Variants in EIF4E observed in about 807,000 individuals in gnomAD.
EIF4E encodes the protein eukaryotic translation initiation factor 4E, also known as eIF-4F 25 kDa subunit.
For missense variants in EIF4E, 113 were observed against 265.6 expected (o/e 0.43, Z 3.99); for synonymous variants, 71 against 88.5 (o/e 0.80, Z 1.11).
At chr4:98,896,014 G>A (rs1046803580) in intron 2 of EIF4E, among the ~76,000 whole-genome samples, 12 of 143,396 alleles carry the variant, frequency 8.4e-5, no homozygotes, top group African/African-American at 2.7e-4. Flanking sequence ...TGGCCAACAC[G>A]GTGAAACCCC....
intron 2 of EIF4E, among the ~76,000 whole-genome samples, chr4:98,899,579 A>C (rs1724561604): frequency 6.6e-6 from 1 of 152,226 alleles, no homozygotes; most frequent in Non-Finnish European, 1.5e-5. Context: ...TATTCACACA[A>C]GTGCACAATT....
intron 1 of EIF4E, among the ~76,000 whole-genome samples, chr4:98,917,975 T>A (rs148825139): frequency 1.3e-5 from 2 of 151,498 alleles, no homozygotes; most frequent in African/African-American, 2.4e-5. Context: ...ACTTGGGAGG[T>A]TGAGGCAGGA....
At position 98,907,821 on chromosome 4, in the gene EIF4E, G is replaced by C. The variant is rs143328510; in HGVS notation, c.19-5839C>G. ...AGTTTCTTCCCTTGTAAAAAGTGCC[G>C]TGTGGGTTTTCATCAACAATCCAAG... On this transcript the variant is annotated intron_variant, in intron 1 of 6. Coordinates refer to ENST00000450253, the MANE Select transcript of EIF4E (RefSeq NM_001968.5). Among the ~76,000 whole-genome samples, 638 of 152,256 alleles carry C rather than the reference G, an allele frequency of 4.2e-3. 4 individuals are homozygous for C. Among genetic ancestry groups the C allele is most frequent in the Non-Finnish European group, 6.2e-3 (423 of 68,008 alleles).
intron 2 of EIF4E, among the ~76,000 whole-genome samples, chr4:98,893,158 G>C (rs1343603217): frequency 3.3e-5 from 5 of 152,112 alleles, no homozygotes; most frequent in African/African-American, 1.2e-4. Flanking sequence ...AAAAAAAAAT[G>C]TACATACCTT....
chr4:98,880,909 T>G lies in EIF4E; in HGVS notation c.*119A>C, dbSNP rs1033482713. The G allele has an allele frequency of 6.6e-7, 1 of 1,515,290 alleles. No individual in the cohort carries two copies. The highest frequency in any genetic ancestry group is 1.4e-5 in the African/African-American group (1 of 72,198). The allele number at this position is 1,515,290 out of a possible 1,614,324, so 93.9% of individuals were successfully genotyped here. On this transcript the variant is annotated 3_prime_UTR_variant, in exon 7 of 7. Transcript: ENST00000450253. ...AGACTTCTCTTATATCTGAGTAACA[T>G]TAAGATGGAAATCAAATTTAAATGC... is the stretch of plus-strand genomic sequence containing the variant.
intron 1 of EIF4E, among the ~76,000 whole-genome samples, chr4:98,927,654 C>CAAAAAAAAAAAAA (rs774720176): frequency 8.5e-5 from 3 of 35,090 alleles, no homozygotes; most frequent in Non-Finnish European, 1.1e-4. Flanking sequence ...GACTCCATCT[C>CAAAAAAAAAAAAA]AAAAAAAAAA....
intron 2 of EIF4E, among the ~76,000 whole-genome samples, chr4:98,893,704 T>C (rs1724249945): frequency 6.6e-6 from 1 of 152,256 alleles, no homozygotes; most frequent in Non-Finnish European, 1.5e-5. Context: ...CACTAAAGTC[T>C]TGAACGCTTC....
At chr4:98,916,167 G>T (rs1021212533) in intron 1 of EIF4E, among the ~76,000 whole-genome samples, 1 of 151,712 alleles carries the variant, frequency 6.6e-6, no homozygotes, top group Non-Finnish European at 1.5e-5. Flanking sequence ...CTCCAGCCTG[G>T]GCAACAGAGT....
chr4:98,891,130 A>G, intron 3 of EIF4E, 107 bp downstream of exon 3: 1 of 1,192,342 alleles, frequency 8.4e-7, no homozygotes. Flanking sequence ...ATAGATGAAC[A>G]TTCATTAACT....
At chr4:98,927,680 A>G (rs913047980) in intron 1 of EIF4E, among the ~76,000 whole-genome samples, 1 of 141,776 alleles carries the variant, frequency 7.1e-6, no homozygotes, top group Non-Finnish European at 1.5e-5. Context: ...AAAAAAAAAA[A>G]AAAAAAGTCT....
rs1238388863 is a variant in EIF4E at position 98,887,338 on chromosome 4, A to C, written c.286-146T>G. ...CATTGATGTAGTTTTTAAACAGCAC[A>C]TAAGACTTAAAGCCAGAGGCATGAC... On this transcript the variant is annotated intron_variant, in intron 4 of 6. Transcript: ENST00000450253. This position sits in a 1 kb window ranked among gnomAD's most constrained non-coding sequence, Gnocchi z 4.0. 1.2e-6 allele frequency: 1 copy of C among 829,360 alleles called. No individual in the cohort carries two copies. The highest frequency in any genetic ancestry group is 1.7e-5 in the African/African-American group (1 of 59,742). 51.4% of individuals were successfully genotyped at this position (829,360 alleles called of 1,614,324 possible).
chr4:98,928,977 G>A (rs1721355963), intron 1 of EIF4E, 118 bp downstream of exon 1: 3 of 1,574,208 alleles, frequency 1.9e-6, no homozygotes, highest in African/African-American at 2.7e-5. Flanking sequence ...CAACATGAAG[G>A]GGAAGGGGCG....
rs1725011293 is a variant in EIF4E, at chr4:98,909,400, A to G, written c.19-7418T>C. The G allele has an allele frequency of 7.6e-6, 3 of 396,402 alleles. No individual in the cohort carries two copies. The Admixed American group carries it at 1.4e-4, about 18-fold the overall frequency. 24.6% of individuals were successfully genotyped at this position (396,402 alleles called of 1,614,324 possible). Reference sequence around the variant, plus strand: ...GTTTTGTCATTCATTTGACAAATTAAATCAGGCAAAGAAATGTACACAATC... The same window carrying G: ...GTTTTGTCATTCATTTGACAAATTAGATCAGGCAAAGAAATGTACACAATC... On this transcript the variant is annotated intron_variant, in intron 1 of 6. Coordinates refer to ENST00000450253, the MANE Select transcript of EIF4E (RefSeq NM_001968.5).
In EIF4E at chr4:98,893,512, T is replaced by A. The variant is rs573361029; in HGVS notation, c.126-2180A>T. ...ATCCTTTGTTGTCACTTCAACAATG[T>A]TCACAGCATCTTCACCAGGAATAGA... On this transcript the variant is annotated intron_variant, in intron 2 of 6. Coordinates refer to ENST00000450253, the MANE Select transcript of EIF4E (RefSeq NM_001968.5). Among the ~76,000 whole-genome samples the A allele has an allele frequency of 1.3e-4, 20 of 152,362 alleles. No homozygotes were observed. In the South Asian group the frequency reaches 3.9e-3, roughly 30 times the overall value.
At position 98,928,494 on chromosome 4, in the gene EIF4E, C is replaced by T. The variant is rs540829343; in HGVS notation, c.18+601G>A. 5.3e-5 allele frequency among the ~76,000 whole-genome samples: 8 copies of T among 152,212 alleles called. No individual in the cohort carries two copies. In the South Asian group the frequency reaches 1.5e-3, roughly 28 times the overall value. On this transcript the variant is annotated intron_variant, in intron 1 of 6. Transcript: ENST00000450253. ...TAACAGACGCTCGCCCCTCTCAACT[C>T]CCCTAAGCGAGGTCGAAGCTCCTCC...
chr4:98,904,744 C>T (rs1724795138), intron 1 of EIF4E, among the ~76,000 whole-genome samples: 1 of 152,144 alleles, frequency 6.6e-6, no homozygotes, highest in East Asian at 1.9e-4. Context: ...GTTCTCCAGC[C>T]TGGGCGACAA....
chr4:98,899,539 G>T (rs1305205097), intron 2 of EIF4E, among the ~76,000 whole-genome samples: 2 of 152,152 alleles, frequency 1.3e-5, no homozygotes, highest in Non-Finnish European at 2.9e-5. Flanking sequence ...GGTAATCTTT[G>T]TTCTAGGAGA....
At chr4:98,924,077 G>GTTT (rs201322206) in intron 1 of EIF4E, among the ~76,000 whole-genome samples, 5 of 143,610 alleles carry the variant, frequency 3.5e-5, no homozygotes, top group South Asian at 4.4e-4. Context: ...AACTTCTTTT[G>GTTT]TTTATTTTTT....
chr4:98,911,426 G>A lies in EIF4E; in HGVS notation c.19-9444C>T, dbSNP rs570025114. Among the ~76,000 whole-genome samples, 437 of 149,142 alleles carry A rather than the reference G, an allele frequency of 2.9e-3. 4 individuals carry two copies. The highest frequency in any genetic ancestry group is 0.01 in the African/African-American group (415 of 41,192). ...TGTAATCCCAGCACTTTGGGAGGCC[G>A]AGGCGGGTGGAGCATCTGAGGTTGG... is the stretch of plus-strand genomic sequence containing the variant. On this transcript the variant is annotated intron_variant, in intron 1 of 6. Coordinates refer to ENST00000450253, the MANE Select transcript of EIF4E (RefSeq NM_001968.5).
Sources: allele counts gnomAD v4.1 joint callset (sites outside exome capture counted in the v4.1 genomes callset), GRCh38; gene constraint gnomAD v4.1.1; non-coding constraint Gnocchi (gnomAD v3.1); transcripts MANE v1.5; gene names NCBI Gene and HGNC (gene_info 2026-07-23, HGNC 2026-07-21).